The following CSRNP3 variants were observed in gnomAD, a reference collection of about 807,000 sequenced individuals.
CSRNP3 encodes the protein cysteine and serine rich nuclear protein 3.
In CSRNP3, 12 loss-of-function variants were observed where a neutral mutation model predicts 48.0. The ratio of observed to expected loss-of-function variants is 0.25; its 90% CI spans 0.16 to 0.41. CSRNP3 has a LOEUF of 0.41. Ranked by LOEUF, CSRNP3 falls within the 10% of genes least tolerant of loss-of-function variation. The pLI, the probability that CSRNP3 is intolerant of heterozygous loss-of-function variation, is 1.00. For missense variants in CSRNP3, 580 were observed against 724.4 expected, an observed-to-expected ratio of 0.80 and a Z score of 2.29; for synonymous variants, 263 against 269.7, an observed-to-expected ratio of 0.98 and a Z score of 0.24.
intron 3 of CSRNP3, among the ~76,000 whole-genome samples, chr2:165,562,594 T>C (rs1685248034): frequency 6.6e-6 from 1 of 152,194 alleles, no homozygotes; most frequent in Non-Finnish European, 1.5e-5. Context: ...ATTTGAATCT[T>C]ACCAGCACAT....
rs1573967280 is a variant in CSRNP3 at position 165,681,384 on chromosome 2, A to G, written c.*1631A>G. ...CTTTTAGACTTGGGTGTTTAGAATTATGGATATAAATATATTGTAGATCTC... is the reference window on the plus strand; with the variant it reads ...CTTTTAGACTTGGGTGTTTAGAATTGTGGATATAAATATATTGTAGATCTC... On this transcript the variant is annotated 3_prime_UTR_variant, in exon 7 of 7. Transcript: ENST00000651982. 1 of 152,058 alleles carries G rather than the reference A, an allele frequency of 6.6e-6. No homozygotes were observed. The highest frequency in any genetic ancestry group is 1.5e-5 in the Non-Finnish European group (1 of 68,010). 9.4% of individuals were successfully genotyped at this position (152,058 alleles called of 1,614,324 possible). A position where few individuals can be genotyped will look rare whatever the true frequency, so the allele number is the denominator to read the frequency against.
In CSRNP3 at chr2:165,513,385, G is replaced by T. The variant is rs1043416234; in HGVS notation, c.-112-4488G>T. 2.4e-4 allele frequency among the ~76,000 whole-genome samples: 36 copies of T among 152,170 alleles called. No homozygotes were observed. In the East Asian group the frequency reaches 6.6e-3, roughly 28 times the overall value. On this transcript the variant is annotated intron_variant, in intron 2 of 6. Transcript: ENST00000651982. ...CCATCATTCCCTTTTGACGTATTTGGGTTGTGATGTGTGCCAGGCTTCCAG... is the reference window on the plus strand; with the variant it reads ...CCATCATTCCCTTTTGACGTATTTGTGTTGTGATGTGTGCCAGGCTTCCAG...
chr2:165,477,400 C>T (rs1044483087), intron 1 of CSRNP3, among the ~76,000 whole-genome samples: 2 of 148,786 alleles, frequency 1.3e-5, no homozygotes, highest in Non-Finnish European at 3.0e-5. Flanking sequence ...AGGCAGATCA[C>T]ATGAGGTCAG....
intron 4 of CSRNP3, among the ~76,000 whole-genome samples, chr2:165,651,378 T>C (rs1278359624): frequency 6.6e-6 from 1 of 152,224 alleles, no homozygotes; most frequent in Admixed American, 6.5e-5. Flanking sequence ...TGAATTTTCC[T>C]AGAGCCTAGT....
chr2:165,496,871 T>C (rs1684289868), intron 2 of CSRNP3, among the ~76,000 whole-genome samples: 1 of 151,968 alleles, frequency 6.6e-6, no homozygotes, highest in Non-Finnish European at 1.5e-5. Context: ...CCTGGAAAAA[T>C]CAATTGCAGG....
At position 165,681,726 on chromosome 2, in the gene CSRNP3, CATATATATATATATATATAT is replaced by C. The variant is rs1159941595; in HGVS notation, c.*1989_*2008del. 1.2e-3 allele frequency: 112 copies of C among 93,692 alleles called. No homozygotes were observed. Among genetic ancestry groups the C allele is most frequent in the African/African-American group, 4.5e-3 (98 of 21,646 alleles). 5.8% of individuals were successfully genotyped at this position (93,692 alleles called of 1,614,324 possible). On this transcript the variant is annotated 3_prime_UTR_variant, in exon 7 of 7. Coordinates refer to ENST00000651982, the MANE Select transcript of CSRNP3 (RefSeq NM_001172173.2). ...AGGATTTGTTGAAATCTCAAATATA[CATATATATATATATATATAT>C]ATATATATATATATACACACACACA...
At chr2:165,658,484 A>G (rs1445843537) in intron 5 of CSRNP3, among the ~76,000 whole-genome samples, 1 of 152,204 alleles carries the variant, frequency 6.6e-6, no homozygotes, top group Admixed American at 6.5e-5. Flanking sequence ...TTCTCAAGGA[A>G]GTGAAATGAA....
At chr2:165,630,809 A>C (rs746159486) in intron 4 of CSRNP3, among the ~76,000 whole-genome samples, 1 of 152,188 alleles carries the variant, frequency 6.6e-6, no homozygotes, top group Non-Finnish European at 1.5e-5. Flanking sequence ...GACGTGTTCA[A>C]AGTTAGTTCT....
chr2:165,642,904 T>C (rs1372496299), intron 4 of CSRNP3, among the ~76,000 whole-genome samples: 1 of 152,200 alleles, frequency 6.6e-6, no homozygotes, highest in Non-Finnish European at 1.5e-5. Context: ...TGCTCTGTGC[T>C]GTATTCTGTC....
In CSRNP3 at chr2:165,679,090, A is replaced by G; in HGVS notation, c.1095A>G (p.Ala365=). 1 of 1,613,728 alleles carries G rather than the reference A, an allele frequency of 6.2e-7. No homozygotes were observed. The highest frequency in any genetic ancestry group is 1.1e-5 in the South Asian group (1 of 91,050). The change falls in exon 7 of 7, where the codon GCA becomes GCG. Residue 365 remains alanine, a synonymous_variant. Coordinates refer to ENST00000651982, the MANE Select transcript of CSRNP3 (RefSeq NM_001172173.2). ...CAGATTCTAGCACGCAAAGCTTGGCACCTAGTGAGTCAGACGAGGAGGAGG... is the reference window on the plus strand; with the variant it reads ...CAGATTCTAGCACGCAAAGCTTGGCGCCTAGTGAGTCAGACGAGGAGGAGG... ...GVTDSSTQSL[A]PSESDEEEEE...
intron 3 of CSRNP3, among the ~76,000 whole-genome samples, chr2:165,583,387 C>G (rs1331186530): frequency 6.6e-6 from 1 of 152,082 alleles, no homozygotes; most frequent in Admixed American, 6.6e-5. Flanking sequence ...AAGGAGCATC[C>G]CCCAACATGC....
At chr2:165,609,660 T>TATG (rs1377989724) in intron 4 of CSRNP3, among the ~76,000 whole-genome samples, 1 of 152,004 alleles carries the variant, frequency 6.6e-6, no homozygotes, top group Non-Finnish European at 1.5e-5. Flanking sequence ...TGATGACAAT[T>TATG]ATGATGATGA....
intron 3 of CSRNP3, among the ~76,000 whole-genome samples, chr2:165,575,992 T>C (rs1330358216): frequency 6.6e-6 from 1 of 151,658 alleles, no homozygotes; most frequent in African/African-American, 2.4e-5. Context: ...CTTTTTATGT[T>C]GGTCAGAATA....
rs1686289531 is a variant in CSRNP3, at chr2:165,618,591, C to T, written c.148+23378C>T. Among the ~76,000 whole-genome samples the T allele has an allele frequency of 2.6e-5, 4 of 152,278 alleles. No individual in the cohort carries two copies. In the South Asian group the frequency reaches 8.3e-4, roughly 32 times the overall value. On this transcript the variant is annotated intron_variant, in intron 4 of 6. Coordinates refer to ENST00000651982, the MANE Select transcript of CSRNP3 (RefSeq NM_001172173.2). Reference sequence around the variant, plus strand: ...TGAACCAAAAGCTAAACAAATTGAACATTTACACATATTACACAATTTCAT... The same window carrying T: ...TGAACCAAAAGCTAAACAAATTGAATATTTACACATATTACACAATTTCAT...
At chr2:165,606,134 CA>C (rs919780561) in intron 4 of CSRNP3, among the ~76,000 whole-genome samples, 9 of 148,628 alleles carry the variant, frequency 6.1e-5, no homozygotes, top group African/African-American at 1.7e-4. Flanking sequence ...ATAAAATATA[CA>C]AAAAAATAGG....
rs1187436532 is a variant in CSRNP3 at position 165,687,477 on chromosome 2, AT to A, written c.*7728del. The A allele has an allele frequency of 3.3e-5, 5 of 152,096 alleles. No homozygotes were observed. Among genetic ancestry groups the A allele is most frequent in the Non-Finnish European group, 7.4e-5 (5 of 67,998 alleles). The allele number at this position is 152,096 out of a possible 1,614,324, so 9.4% of individuals were successfully genotyped here. A position where few individuals can be genotyped will look rare whatever the true frequency, so the allele number is the denominator to read the frequency against. On this transcript the variant is annotated 3_prime_UTR_variant, in exon 7 of 7. Coordinates refer to ENST00000651982, the MANE Select transcript of CSRNP3 (RefSeq NM_001172173.2). ...GAAGTTACAATTACAAAAAGTAAGC[AT>A]TTTCTACATTCTTACTTCTAAGTAA... is the stretch of plus-strand genomic sequence containing the variant.
intron 4 of CSRNP3, among the ~76,000 whole-genome samples, chr2:165,610,860 G>GC (rs758627934): frequency 2.6e-5 from 4 of 152,056 alleles, no homozygotes; most frequent in Non-Finnish European, 5.9e-5. Context: ...ACATGTGAGA[G>GC]CTTTTATGAG....
chr2:165,486,130 T>A (rs1370774054), intron 1 of CSRNP3, among the ~76,000 whole-genome samples: 2 of 152,186 alleles, frequency 1.3e-5, no homozygotes, highest in African/African-American at 4.8e-5. Flanking sequence ...TTGCCTCACC[T>A]GGGAAGCGCA....
At chr2:165,495,788 A>G (rs1309533968) in intron 2 of CSRNP3, among the ~76,000 whole-genome samples, 1 of 152,064 alleles carries the variant, frequency 6.6e-6, no homozygotes, top group East Asian at 1.9e-4. Flanking sequence ...GTAAAGGTAA[A>G]AATTATTCAA....
Sources: allele counts gnomAD v4.1 joint callset (sites outside exome capture counted in the v4.1 genomes callset), GRCh38; gene constraint gnomAD v4.1.1; transcripts MANE v1.5; gene names NCBI Gene and HGNC (gene_info 2026-07-23, HGNC 2026-07-21).